The following CCDC141 variants were observed in gnomAD, a reference collection of about 807,000 sequenced individuals.
CCDC141 encodes the protein coiled-coil domain containing 141.
In CCDC141, 168 loss-of-function variants were observed where a neutral mutation model predicts 181.0. The ratio of observed to expected loss-of-function variants is 0.93; its 90% CI spans 0.82 to 1.05. The LOEUF (loss-of-function observed/expected upper bound fraction) is 1.05, where lower values mean the gene tolerates loss of function less well. Ranked by LOEUF, CCDC141 falls within the 50% of genes least tolerant of loss-of-function variation. The probability of loss-of-function intolerance (pLI) is 0.00; values close to 1 mark genes in which losing one functional copy is unlikely to be tolerated. For missense variants in CCDC141, 1,902 were observed against 1,788.5 expected, an observed-to-expected ratio of 1.06 and a Z score of -1.14; for synonymous variants, 666 against 642.3, an observed-to-expected ratio of 1.04 and a Z score of -0.56.
intron 2 of CCDC141, among the ~76,000 whole-genome samples, chr2:179,034,976 T>C (rs1323033227): frequency 1.3e-5 from 2 of 152,186 alleles, no homozygotes; most frequent in African/African-American, 4.8e-5. Flanking sequence ...AATTAGTCTA[T>C]GGGTTCTGGA....
chr2:178,950,615 G>T (rs1689915646), intron 5 of CCDC141, among the ~76,000 whole-genome samples: 1 of 152,120 alleles, frequency 6.6e-6, no homozygotes, highest in Non-Finnish European at 1.5e-5. Flanking sequence ...TTATTGGCCT[G>T]TTATTATTTG....
At chr2:179,001,335 G>A (rs980633704) in intron 2 of CCDC141, among the ~76,000 whole-genome samples, 1 of 152,184 alleles carries the variant, frequency 6.6e-6, no homozygotes, top group Admixed American at 6.5e-5. Flanking sequence ...AACGAAGAAA[G>A]GAGTGTAGTC....
chr2:178,837,594 C>T lies in CCDC141; in HGVS notation c.3625G>A (p.Val1209Ile), dbSNP rs374134508. Reference sequence around the variant, plus strand: ...GGCAAGGAGATGTCATCAGGTGAGACACACTCATATTCTTCCCCTGAGAGC... The same window carrying T: ...GGCAAGGAGATGTCATCAGGTGAGATACACTCATATTCTTCCCCTGAGAGC... ...DMLSGEEYEC[V>I]SPDDISLPPL... The change falls in exon 23 of 24, where the codon GTC becomes ATC. Residue 1209 changes from valine (V) to isoleucine (I), a missense_variant. Coordinates refer to ENST00000443758, the MANE Select transcript of CCDC141 (RefSeq NM_173648.4). The T allele has an allele frequency of 2.5e-5, 41 of 1,613,850 alleles. No homozygotes were observed. The highest frequency in any genetic ancestry group is 2.2e-4 in the East Asian group (10 of 44,848).
chr2:178,853,412 A>C, intron 20 of CCDC141, 29 bp downstream of exon 20: 1 of 1,605,662 alleles, frequency 6.2e-7, no homozygotes, highest in Middle Eastern at 1.7e-4. Context: ...TCAATGGCCA[A>C]TCACTGGATA....
chr2:179,006,719 G>T (rs1251074349), intron 2 of CCDC141, among the ~76,000 whole-genome samples: 1 of 152,092 alleles, frequency 6.6e-6, no homozygotes, highest in Non-Finnish European at 1.5e-5. Context: ...TGAAATACAA[G>T]AATAAAACCA....
chr2:178,922,764 G>C (rs1049027662), intron 6 of CCDC141, among the ~76,000 whole-genome samples: 3 of 152,210 alleles, frequency 2.0e-5, no homozygotes, highest in Non-Finnish European at 4.4e-5. Flanking sequence ...CTTTGGAGTA[G>C]AGCCAAGCCT....
At chr2:179,037,145 A>C (rs914638166) in intron 2 of CCDC141, among the ~76,000 whole-genome samples, 2 of 152,188 alleles carry the variant, frequency 1.3e-5, no homozygotes, top group African/African-American at 2.4e-5. Context: ...AGAGAAGAGA[A>C]CCTGCAACCC....
chr2:178,984,698 A>G (rs934798508), intron 2 of CCDC141, among the ~76,000 whole-genome samples: 1 of 150,468 alleles, frequency 6.6e-6, no homozygotes, highest in Non-Finnish European at 1.5e-5. Context: ...TTAAACCAAC[A>G]AAGATCAAAA....
rs138728972 is a variant in CCDC141 at position 178,851,093 on chromosome 2, C to G, written c.3245-932G>C. Among the ~76,000 whole-genome samples the G allele has an allele frequency of 8.6e-5, 13 of 151,646 alleles. No homozygotes were observed. In the East Asian group the frequency reaches 2.5e-3, roughly 30 times the overall value. ...TGGTGGCACATGCCTGTGATCTCAGCTACTCGGGAGGCTGAGGCAGGAGAA... is the reference window on the plus strand; with the variant it reads ...TGGTGGCACATGCCTGTGATCTCAGGTACTCGGGAGGCTGAGGCAGGAGAA... On this transcript the variant is annotated intron_variant, in intron 20 of 23. Coordinates refer to ENST00000443758, the MANE Select transcript of CCDC141 (RefSeq NM_173648.4).
chr2:178,930,019 AG>A (rs1689040541), intron 6 of CCDC141, among the ~76,000 whole-genome samples: 1 of 152,146 alleles, frequency 6.6e-6, no homozygotes, highest in Non-Finnish European at 1.5e-5. Context: ...AGAATATAGA[AG>A]GGGAAACTTG....
chr2:178,977,598 C>T (rs948466097), intron 3 of CCDC141, among the ~76,000 whole-genome samples: 4 of 152,162 alleles, frequency 2.6e-5, no homozygotes, highest in Non-Finnish European at 4.4e-5. Flanking sequence ...TAAACAAGTT[C>T]ATGATGCATG....
chr2:178,994,386 A>C (rs1692190973), intron 2 of CCDC141, among the ~76,000 whole-genome samples: 1 of 152,182 alleles, frequency 6.6e-6, no homozygotes, highest in Admixed American at 6.5e-5. Context: ...CACCTTCTGA[A>C]GCTACAGCCC....
intron 8 of CCDC141, among the ~76,000 whole-genome samples, chr2:178,893,418 TA>T (rs1687250262): frequency 6.6e-6 from 1 of 152,168 alleles, no homozygotes; most frequent in East Asian, 1.9e-4. Flanking sequence ...AAACCTTTCA[TA>T]AATTACTATT....
chr2:179,008,743 G>A (rs2042181218), intron 2 of CCDC141, among the ~76,000 whole-genome samples: 1 of 152,152 alleles, frequency 6.6e-6, no homozygotes, highest in African/African-American at 2.4e-5. Context: ...CATTTGAAAA[G>A]TCTTGAGTCC....
intron 1 of CCDC141, among the ~76,000 whole-genome samples, chr2:179,049,280 G>A (rs1010443916): frequency 1.8e-4 from 27 of 152,232 alleles, no homozygotes; most frequent in African/African-American, 4.8e-4. Flanking sequence ...CATGGTCTTC[G>A]TTACTGGACA....
intron 4 of CCDC141, among the ~76,000 whole-genome samples, chr2:178,969,150 C>T (rs1025269790): frequency 4.9e-5 from 7 of 143,504 alleles, no homozygotes; most frequent in Non-Finnish European, 7.5e-5. Flanking sequence ...CAGACGGATT[C>T]ACAGCTGAAT....
chr2:178,969,745 A>T (rs1388478907), intron 4 of CCDC141, among the ~76,000 whole-genome samples: 2 of 152,234 alleles, frequency 1.3e-5, no homozygotes, highest in Non-Finnish European at 2.9e-5. Context: ...CAACACTCCT[A>T]TTCAACATAG....
intron 2 of CCDC141, among the ~76,000 whole-genome samples, chr2:178,990,146 A>AG (rs1220906305): frequency 6.6e-6 from 1 of 151,706 alleles, no homozygotes; most frequent in East Asian, 1.9e-4. Flanking sequence ...TCTCAAAAAA[A>AG]AAAAAAAGAA....
intron 5 of CCDC141, among the ~76,000 whole-genome samples, chr2:178,957,124 C>T (rs1425764853): frequency 8.5e-5 from 13 of 152,182 alleles, no homozygotes; most frequent in Admixed American, 7.9e-4. Flanking sequence ...CCACCTGCCT[C>T]GGCCTCCCAA....
Sources: allele counts gnomAD v4.1 joint callset (sites outside exome capture counted in the v4.1 genomes callset), GRCh38; gene constraint gnomAD v4.1.1; transcripts MANE v1.5; gene names NCBI Gene and HGNC (gene_info 2026-07-23, HGNC 2026-07-21).